The following RAPGEF5 variants were observed in gnomAD, a reference collection of about 807,000 sequenced individuals.
RAPGEF5 encodes Rap guanine nucleotide exchange factor 5, also known as M-Ras-regulated GEF.
A neutral mutation model predicts 125.2 loss-of-function variants in RAPGEF5; 65 were observed. That is an observed-to-expected ratio of 0.52 (90% CI 0.43 to 0.64). The LOEUF is 0.64. RAPGEF5 is among the 30% of genes least tolerant of loss of function. RAPGEF5 has a pLI of 0.00. For synonymous variants in RAPGEF5, 391 were observed against 385.9 expected (o/e 1.01, Z -0.16); for missense variants, 958 against 1,048.1 (o/e 0.91, Z 1.19).
At chr7:22,194,769 T>C (rs1785107184) in intron 9 of RAPGEF5, 1 of 985,276 alleles carries the variant, frequency 1.0e-6, no homozygotes, top group African/African-American at 1.7e-5. Flanking sequence ...AACACACAGA[T>C]TCATTTCTGC....
Position 22,146,929 on chromosome 7 carries a change from A to C in RAPGEF5, c.1975T>G (p.Phe659Val). ...ATTGAATTGAATAGACTCCAATCAA[A>C]ATTCATTAATTCCAGAGCAAGATCC... ...TWDLALELMN[F>V]DWSLFNSIHE... Residue 659 changes from phenylalanine (F) to valine (V), a missense_variant, in exon 19 of 26, where the codon TTT (phenylalanine) becomes GTT (valine). Phe to Val is a conservative substitution (Grantham distance 50). Coordinates refer to ENST00000665637, the MANE Select transcript of RAPGEF5 (RefSeq NM_012294.5). 1 of 1,613,636 alleles carries C rather than the reference A, an allele frequency of 6.2e-7. No homozygotes were observed. The highest frequency in any genetic ancestry group is 8.5e-7 in the Non-Finnish European group (1 of 1,179,722).
rs1785148174 is a variant in RAPGEF5 at position 22,196,402 on chromosome 7, T to C, written c.997-2369A>G. 2.0e-5 allele frequency among the ~76,000 whole-genome samples: 3 copies of C among 152,188 alleles called. No individual in the cohort carries two copies. In the South Asian group the frequency reaches 6.2e-4, roughly 32 times the overall value. On this transcript the variant is annotated intron_variant, in intron 9 of 25. Coordinates refer to ENST00000665637, the MANE Select transcript of RAPGEF5 (RefSeq NM_012294.5). The stretch of plus-strand genomic sequence containing the variant: ...TATTAAGAGAATTAATAACAGAAAA[T>C]ATATTCAATGACAAATAGTTCATGA...
chr7:22,130,856 C>T (rs930133589), intron 24 of RAPGEF5, 181 bp downstream of exon 24: 1 of 753,866 alleles, frequency 1.3e-6, no homozygotes, highest in Admixed American at 3.7e-5. Context: ...AATTGGAATA[C>T]ATTTTGTTGG....
chr7:22,263,083 T>C (rs74625778), intron 7 of RAPGEF5, among the ~76,000 whole-genome samples: 3,188 of 152,330 alleles, frequency 0.021, 99 homozygotes, highest in African/African-American at 0.073. Flanking sequence ...ACATACTGTC[T>C]GATTCTATTT....
chr7:22,287,026 T>A (rs1004143907), intron 6 of RAPGEF5, among the ~76,000 whole-genome samples: 3 of 152,242 alleles, frequency 2.0e-5, no homozygotes, highest in Non-Finnish European at 4.4e-5. Context: ...GCTAAGCTGA[T>A]AAGTTAGAAT....
At chr7:22,179,038 A>T (rs1205222034) in intron 11 of RAPGEF5, among the ~76,000 whole-genome samples, 1 of 152,098 alleles carries the variant, frequency 6.6e-6, no homozygotes, top group African/African-American at 2.4e-5. Flanking sequence ...CAAATACTAA[A>T]ACAAAAGATG....
intron 11 of RAPGEF5, among the ~76,000 whole-genome samples, chr7:22,168,573 T>C (rs1029467754): frequency 2.0e-5 from 3 of 152,244 alleles, no homozygotes; most frequent in African/African-American, 7.2e-5. Flanking sequence ...TAGAGCCCTA[T>C]AGCTCTACAT....
intron 24 of RAPGEF5, among the ~76,000 whole-genome samples, chr7:22,127,574 C>T (rs1782787716): frequency 6.6e-6 from 1 of 152,216 alleles, no homozygotes; most frequent in African/African-American, 2.4e-5. Context: ...CTATTGTCTT[C>T]ATGTTCTAGT....
intron 7 of RAPGEF5, among the ~76,000 whole-genome samples, chr7:22,238,688 T>C (rs1290345700): frequency 6.6e-6 from 1 of 152,236 alleles, no homozygotes; most frequent in Admixed American, 6.5e-5. Context: ...TTGACAGTTA[T>C]ATGATTCTTC....
intron 7 of RAPGEF5, among the ~76,000 whole-genome samples, chr7:22,237,576 C>T (rs1040616790): frequency 1.8e-4 from 27 of 152,070 alleles, no homozygotes. Context: ...CTTTCCCCTC[C>T]CTAGTTTCTG....
intron 6 of RAPGEF5, among the ~76,000 whole-genome samples, chr7:22,282,663 T>C (rs901131318): frequency 6.6e-6 from 1 of 152,222 alleles, no homozygotes; most frequent in African/African-American, 2.4e-5. Context: ...AATGTGACAA[T>C]GTACGACAAA....
chr7:22,280,906 A>G (rs1049642988), intron 6 of RAPGEF5, among the ~76,000 whole-genome samples: 3 of 152,200 alleles, frequency 2.0e-5, no homozygotes, highest in Admixed American at 6.5e-5. Context: ...CTCATCTCCA[A>G]TGCTGGGGTA....
At position 22,126,476 on chromosome 7, in the gene RAPGEF5, A is replaced by G. The variant is rs78569891; in HGVS notation, c.2482-818T>C. Among the ~76,000 whole-genome samples the G allele has an allele frequency of 6.7e-3, 1,027 of 152,346 alleles. 9 individuals are homozygous for G. The highest frequency in any genetic ancestry group is 0.023 in the African/African-American group (951 of 41,586). On this transcript the variant is annotated intron_variant, in intron 24 of 25. Transcript: ENST00000665637. ...AGAGGGCTTTGGATGTGCAGAGCCT[A>G]CTATGTCAGACACATTGACTTACAC...
At chr7:22,279,754 A>C (rs1055579660) in intron 6 of RAPGEF5, among the ~76,000 whole-genome samples, 3 of 152,228 alleles carry the variant, frequency 2.0e-5, no homozygotes, top group Non-Finnish European at 2.9e-5. Flanking sequence ...TACAAGGATA[A>C]ATATTATACA....
intron 7 of RAPGEF5, among the ~76,000 whole-genome samples, chr7:22,232,795 C>A (rs766833532): frequency 1.3e-5 from 2 of 152,182 alleles, no homozygotes; most frequent in Non-Finnish European, 2.9e-5. Context: ...AACAATGTAT[C>A]CCCAAGTGAT....
At chr7:22,266,107 A>G (rs1393202432) in intron 7 of RAPGEF5, among the ~76,000 whole-genome samples, 2 of 152,220 alleles carry the variant, frequency 1.3e-5, no homozygotes, top group Non-Finnish European at 2.9e-5. Context: ...CTAACTGGAA[A>G]AAGAAAGATA....
chr7:22,125,077 T>C (rs549582414), intron 25 of RAPGEF5, among the ~76,000 whole-genome samples: 1 of 152,240 alleles, frequency 6.6e-6, no homozygotes, highest in African/African-American at 2.4e-5. Context: ...TTAGTCTCAG[T>C]GGGGATTCTA....
At chr7:22,225,725 T>C (rs1455079652) in intron 8 of RAPGEF5, among the ~76,000 whole-genome samples, 1 of 152,174 alleles carries the variant, frequency 6.6e-6, no homozygotes, top group African/African-American at 2.4e-5. Context: ...TTTCTCTGTG[T>C]AAAATTAATT....
In RAPGEF5 at chr7:22,245,950, G is replaced by A. The variant is rs188314300; in HGVS notation, c.797-15031C>T. ...TACACCAATAATGTTCAGGAAGAGC[G>A]CCAAATCAAGAACACAATCAAATTT... On this transcript the variant is annotated intron_variant, in intron 7 of 25. Coordinates refer to ENST00000665637, the MANE Select transcript of RAPGEF5 (RefSeq NM_012294.5). 1.6e-4 allele frequency among the ~76,000 whole-genome samples: 25 copies of A among 152,102 alleles called. No homozygotes were observed. In the South Asian group the frequency reaches 1.9e-3, roughly 11 times the overall value.
Sources: gnomAD v4.1 joint callset for allele counts (sites outside exome capture counted in the v4.1 genomes callset) on GRCh38, gnomAD v4.1.1 for gene constraint, MANE v1.5 for transcripts, NCBI Gene and HGNC (gene_info 2026-07-23, HGNC 2026-07-21) for gene names.